Variants in TLN2 observed in about 807,000 individuals in gnomAD.
TLN2 encodes the protein talin-2.
TLN2 carries 118 observed loss-of-function variants against 294.7 expected under a neutral mutation model. The observed-to-expected ratio is 0.40, with a 90% CI of 0.34 to 0.47. TLN2 has a LOEUF of 0.47. Among genes scored for constraint, TLN2 ranks in the 20% least tolerant of loss-of-function variants. TLN2 has a pLI of 0.84. For synonymous variants in TLN2, 1,431 were observed against 1,304.5 expected, an observed-to-expected ratio of 1.10 and a Z score of -2.09; for missense variants, 3,083 against 3,282.2, an observed-to-expected ratio of 0.94 and a Z score of 1.48.
chr15:62,507,899 CTGTA>C (rs2039711101), intron 1 of TLN2, among the ~76,000 whole-genome samples: 1 of 152,134 alleles, frequency 6.6e-6, no homozygotes, highest in African/African-American at 2.4e-5. Flanking sequence ...AGATTCATAA[CTGTA>C]TGTGAGATAT....
At chr15:62,468,063 T>C (rs183764244) in intron 1 of TLN2, among the ~76,000 whole-genome samples, 12 of 152,110 alleles carry the variant, frequency 7.9e-5, no homozygotes, top group African/African-American at 2.9e-4. Context: ...AAGTTTTCCT[T>C]CCATCCTTTT....
intron 1 of TLN2, among the ~76,000 whole-genome samples, chr15:62,587,924 A>C (rs1475223472): frequency 6.6e-6 from 1 of 152,132 alleles, no homozygotes; most frequent in African/African-American, 2.4e-5. Flanking sequence ...TCTGCAGTCC[A>C]GGCTGGAGTG....
chr15:62,810,438 T>C (rs981011056), intron 52 of TLN2, among the ~76,000 whole-genome samples: 3 of 152,158 alleles, frequency 2.0e-5, no homozygotes, highest in Non-Finnish European at 4.4e-5. Context: ...CCAGCCTCCG[T>C]GGCAAGTGAG....
chr15:62,706,664 A>G (rs1056482152), intron 19 of TLN2, among the ~76,000 whole-genome samples: 1 of 152,240 alleles, frequency 6.6e-6, no homozygotes, highest in Non-Finnish European at 1.5e-5. Flanking sequence ...GCAGTGGGGC[A>G]TGATGACTGG....
At chr15:62,694,139 T>C (rs2058149489) in intron 13 of TLN2, among the ~76,000 whole-genome samples, 177 bp from the exon 14 acceptor site, 1 of 151,972 alleles carries the variant, frequency 6.6e-6, no homozygotes. Context: ...GGCTGATTTA[T>C]GTATATATAT....
intron 1 of TLN2, among the ~76,000 whole-genome samples, chr15:62,459,041 G>C (rs1170802757): frequency 6.6e-6 from 1 of 151,410 alleles, no homozygotes; most frequent in African/African-American, 2.4e-5. Flanking sequence ...TCACTCTGTC[G>C]CCAGGCTGGA....
In TLN2 at chr15:62,564,316, G is replaced by T. The variant is rs187367855; in HGVS notation, c.-237-25371G>T. Among the ~76,000 whole-genome samples the T allele has an allele frequency of 8.6e-4, 131 of 152,296 alleles. 1 individual carries two copies. The highest frequency in any genetic ancestry group is 3.0e-3 in the African/African-American group (123 of 41,570). ...TCATAAAAGTGTTATGCTGGCAGGA[G>T]ATTGCTGGTGTGCCCGTGGGGTGGA... On this transcript the variant is annotated intron_variant, in intron 1 of 58. Coordinates refer to ENST00000636159, the MANE Select transcript of TLN2 (RefSeq NM_015059.3).
chr15:62,839,535 G>A (rs758746000), intron 58 of TLN2, among the ~76,000 whole-genome samples: 92 of 152,200 alleles, frequency 6.0e-4, no homozygotes, highest in Non-Finnish European at 1.2e-3. Context: ...ATAAGAGCAG[G>A]TGGGATTCTG....
At chr15:62,703,786 C>T (rs2141106352) in intron 19 of TLN2, among the ~76,000 whole-genome samples, 1 of 152,198 alleles carries the variant, frequency 6.6e-6, no homozygotes, top group East Asian at 1.9e-4. Flanking sequence ...GGTGCTTGCC[C>T]TCTGGGGAGC....
chr15:62,808,406 C>G (rs1327907423), intron 51 of TLN2, among the ~76,000 whole-genome samples: 1 of 152,168 alleles, frequency 6.6e-6, no homozygotes. Context: ...AAATCATGAA[C>G]TTTACTGCAG....
intron 37 of TLN2, among the ~76,000 whole-genome samples, chr15:62,760,937 A>G (rs1033692926): frequency 5.3e-5 from 8 of 152,176 alleles, no homozygotes; most frequent in African/African-American, 1.7e-4. Flanking sequence ...ATTGACACCC[A>G]GAAGCTTTCC....
intron 9 of TLN2, among the ~76,000 whole-genome samples, chr15:62,667,881 T>C: frequency 6.6e-6 from 1 of 152,264 alleles, no homozygotes; most frequent in East Asian, 1.9e-4. Context: ...ACAGTGAAGA[T>C]ACTGCCATTT....
At chr15:62,508,415 C>G (rs35986175) in intron 1 of TLN2, among the ~76,000 whole-genome samples, 250 of 152,232 alleles carry the variant, frequency 1.6e-3, no homozygotes, top group Non-Finnish European at 2.6e-3. Flanking sequence ...CGGGGTTTCA[C>G]CATCTTGGCC....
At chr15:62,623,493 T>C (rs1330354851) in intron 3 of TLN2, among the ~76,000 whole-genome samples, 1 of 152,204 alleles carries the variant, frequency 6.6e-6, no homozygotes, top group East Asian at 1.9e-4. Context: ...TGATTCTAAG[T>C]TCACTCTGTG....
At chr15:62,559,513 A>G (rs1384529236) in intron 1 of TLN2, among the ~76,000 whole-genome samples, 1 of 152,220 alleles carries the variant, frequency 6.6e-6, no homozygotes, top group African/African-American at 2.4e-5. Context: ...TAGCCAGACC[A>G]TGTGCATTAT....
intron 28 of TLN2, among the ~76,000 whole-genome samples, chr15:62,735,414 G>A (rs1322487362): frequency 6.6e-6 from 1 of 152,186 alleles, no homozygotes; most frequent in East Asian, 1.9e-4. Context: ...CTGTTTAGAT[G>A]CAAATTTAAA....
At chr15:62,602,471 T>A (rs1319628553) in intron 2 of TLN2, among the ~76,000 whole-genome samples, 1 of 152,244 alleles carries the variant, frequency 6.6e-6, no homozygotes, top group Non-Finnish European at 1.5e-5. Context: ...TGTACAGTAT[T>A]GTCAGGGATC....
intron 1 of TLN2, among the ~76,000 whole-genome samples, chr15:62,424,313 G>T (rs1275443512): frequency 6.6e-6 from 1 of 152,164 alleles, no homozygotes. Context: ...TTTTCTTAAG[G>T]GAGGCAGCTG....
At chr15:62,470,637 T>C (rs865950200) in intron 1 of TLN2, among the ~76,000 whole-genome samples, 7 of 152,192 alleles carry the variant, frequency 4.6e-5, no homozygotes, top group Non-Finnish European at 7.3e-5. Context: ...GAGAATGGTA[T>C]GCAGTTCTCA....
Sources: allele counts gnomAD v4.1 joint callset (sites outside exome capture counted in the v4.1 genomes callset), GRCh38; gene constraint gnomAD v4.1.1; transcripts MANE v1.5; gene names NCBI Gene and HGNC (gene_info 2026-07-23, HGNC 2026-07-21).